Variants in CAMK4 observed in about 807,000 individuals in gnomAD.
CAMK4 encodes the protein calcium/calmodulin dependent protein kinase IV.
In CAMK4, 22 loss-of-function variants were observed where a neutral mutation model predicts 44.9. The observed-to-expected ratio is 0.49, with a 90% CI of 0.35 to 0.70. The LOEUF (loss-of-function observed/expected upper bound fraction) is 0.70, where lower values mean the gene tolerates loss of function less well. Among genes scored for constraint, CAMK4 ranks in the 30% least tolerant of loss-of-function variants. The probability of loss-of-function intolerance (pLI) is 0.01; values close to 1 mark genes in which losing one functional copy is unlikely to be tolerated. For missense variants in CAMK4, 498 were observed against 586.8 expected (o/e 0.85, Z 1.56); for synonymous variants, 218 against 215.4 (o/e 1.01, Z -0.11).
intron 2 of CAMK4, among the ~76,000 whole-genome samples, chr5:111,364,054 C>T (rs949450518): frequency 3.3e-5 from 5 of 151,994 alleles, no homozygotes; most frequent in African/African-American, 1.2e-4. Context: ...ATGAAATAAT[C>T]CATTTTATTT....
intron 1 of CAMK4, among the ~76,000 whole-genome samples, chr5:111,226,482 G>T (rs1748198699): frequency 6.6e-6 from 1 of 152,228 alleles, no homozygotes; most frequent in African/African-American, 2.4e-5. Flanking sequence ...GAAAATATCA[G>T]AAGTTGAAAA....
chr5:111,224,215 G>A, upstream of CAMK4: 5 of 316,034 alleles, frequency 1.6e-5, no homozygotes, highest in Non-Finnish European at 2.3e-5. This position sits in a 1 kb window ranked among gnomAD's most constrained non-coding sequence, Gnocchi z 5.7. Context: ...GAAGGAGCGA[G>A]GGGGAGGGAG....
intron 5 of CAMK4, among the ~76,000 whole-genome samples, chr5:111,427,274 G>C (rs1753260633): frequency 6.6e-6 from 1 of 152,164 alleles, no homozygotes; most frequent in African/African-American, 2.4e-5. Flanking sequence ...TACTTTGAAA[G>C]AAAGGACCCA....
intron 7 of CAMK4, among the ~76,000 whole-genome samples, chr5:111,453,489 G>A (rs1463543441): frequency 1.3e-5 from 2 of 152,206 alleles, no homozygotes; most frequent in Non-Finnish European, 2.9e-5. Context: ...ATAAGTTGGT[G>A]GGGAGGAAAC....
intron 1 of CAMK4, among the ~76,000 whole-genome samples, chr5:111,291,024 A>G (rs1385597992): frequency 6.6e-6 from 1 of 152,242 alleles, no homozygotes; most frequent in Non-Finnish European, 1.5e-5. Context: ...TTGTGTATAC[A>G]TAAGATTGAC....
At chr5:111,380,025 A>G (rs1297870669) in intron 4 of CAMK4, among the ~76,000 whole-genome samples, 2 of 152,164 alleles carry the variant, frequency 1.3e-5, no homozygotes, top group South Asian at 2.1e-4. Context: ...GAAAGCTCCC[A>G]TGAAGTTTCT....
chr5:111,334,603 G>A (rs1045119816), intron 1 of CAMK4, among the ~76,000 whole-genome samples: 6 of 151,436 alleles, frequency 4.0e-5, no homozygotes, highest in Non-Finnish European at 8.9e-5. Flanking sequence ...TCAATAAAAA[G>A]AAGAGCTTAT....
At chr5:111,410,950 G>A (rs1192745848) in intron 5 of CAMK4, among the ~76,000 whole-genome samples, 1 of 152,042 alleles carries the variant, frequency 6.6e-6, no homozygotes, top group East Asian at 1.9e-4. Context: ...GAAATTTCCA[G>A]ATTAAAAAAG....
chr5:111,284,102 A>T (rs1263415424), intron 1 of CAMK4, among the ~76,000 whole-genome samples: 1 of 152,206 alleles, frequency 6.6e-6, no homozygotes, highest in Non-Finnish European at 1.5e-5. Context: ...AAATTATAGT[A>T]TCCCTTCTTT....
chr5:111,471,841 T>C (rs1755076262), intron 7 of CAMK4, among the ~76,000 whole-genome samples: 1 of 152,192 alleles, frequency 6.6e-6, no homozygotes, highest in South Asian at 2.1e-4. Context: ...TTCCTTCCTG[T>C]ATGGTAAATC....
chr5:111,454,291 A>T (rs1163778267), intron 7 of CAMK4, among the ~76,000 whole-genome samples: 1 of 152,154 alleles, frequency 6.6e-6, no homozygotes, highest in South Asian at 2.1e-4. Flanking sequence ...TTCAAATTAC[A>T]TCTTGTGAGA....
intron 2 of CAMK4, among the ~76,000 whole-genome samples, chr5:111,344,920 C>T (rs1196529610): frequency 6.6e-6 from 1 of 151,720 alleles, no homozygotes; most frequent in Non-Finnish European, 1.5e-5. Flanking sequence ...CACAAAAAGA[C>T]AAGATATTCT....
intron 5 of CAMK4, among the ~76,000 whole-genome samples, chr5:111,420,337 G>C (rs1277509018): frequency 2.6e-5 from 4 of 152,050 alleles, no homozygotes; most frequent in African/African-American, 7.2e-5. Flanking sequence ...AGGAGATTTT[G>C]GGGTGAGACA....
chr5:111,256,486 G>A (rs962225976), intron 1 of CAMK4, among the ~76,000 whole-genome samples: 9 of 152,272 alleles, frequency 5.9e-5, no homozygotes, highest in African/African-American at 2.2e-4. Flanking sequence ...ATAACCTTTG[G>A]GGGAACTGAG....
In CAMK4 at chr5:111,296,241, A is replaced by G. The variant is rs113591147; in HGVS notation, c.162-47783A>G. On this transcript the variant is annotated intron_variant, in intron 1 of 10. Coordinates refer to ENST00000282356, the MANE Select transcript of CAMK4 (RefSeq NM_001744.6). ...TGGACACTCAGCATAAGCTTCCTATAAGAAGTTAAGCTTCCGTTTAGGAAA... is the reference window on the plus strand; with the variant it reads ...TGGACACTCAGCATAAGCTTCCTATGAGAAGTTAAGCTTCCGTTTAGGAAA... Among the ~76,000 whole-genome samples, 940 of 152,326 alleles carry G rather than the reference A, an allele frequency of 6.2e-3. 5 individuals carry two copies. Among genetic ancestry groups the G allele is most frequent in the Non-Finnish European group, 9.7e-3 (659 of 68,012 alleles).
intron 5 of CAMK4, among the ~76,000 whole-genome samples, chr5:111,413,427 A>C (rs1752699454): frequency 6.6e-6 from 1 of 152,030 alleles, no homozygotes. Flanking sequence ...AAATACAAAA[A>C]ATAGCCAGGG....
intron 1 of CAMK4, among the ~76,000 whole-genome samples, chr5:111,247,200 G>GTA (rs1440709473): frequency 9.3e-5 from 14 of 151,038 alleles, no homozygotes; most frequent in Non-Finnish European, 1.3e-4. Context: ...TAGTGTATGT[G>GTA]TACATATGTA....
At position 111,278,179 on chromosome 5, in the gene CAMK4, C is replaced by G. The variant is rs114047983; in HGVS notation, c.161+53535C>G. On this transcript the variant is annotated intron_variant, in intron 1 of 10. Transcript: ENST00000282356. ...GGGTTTTCCTTTTGCTGCCCTCCTACAGGAATAATTCTAGTGCTTTGCACA... is the reference window on the plus strand; with the variant it reads ...GGGTTTTCCTTTTGCTGCCCTCCTAGAGGAATAATTCTAGTGCTTTGCACA... 4.6e-3 allele frequency among the ~76,000 whole-genome samples: 703 copies of G among 152,290 alleles called. 6 individuals are homozygous for G. Among genetic ancestry groups the G allele is most frequent in the African/African-American group, 0.016 (650 of 41,546 alleles).
chr5:111,362,123 C>G (rs1179640985), intron 2 of CAMK4, among the ~76,000 whole-genome samples: 1 of 151,994 alleles, frequency 6.6e-6, no homozygotes, highest in Non-Finnish European at 1.5e-5. Flanking sequence ...CACACATACT[C>G]TTATTCAATC....
Sources: gnomAD v4.1 joint callset for allele counts (sites outside exome capture counted in the v4.1 genomes callset) on GRCh38, gnomAD v4.1.1 for gene constraint, Gnocchi (gnomAD v3.1) non-coding constraint, MANE v1.5 for transcripts, NCBI Gene and HGNC (gene_info 2026-07-23, HGNC 2026-07-21) for gene names.